The following DNAJC15 variants were observed in gnomAD, a reference collection of about 807,000 sequenced individuals.
The protein encoded by DNAJC15 is dnaJ homolog subfamily C member 15.
A neutral mutation model predicts 22.4 loss-of-function variants in DNAJC15; 27 were observed. The observed-to-expected ratio is 1.20, with a 90% CI of 0.89 to 1.66. The LOEUF (loss-of-function observed/expected upper bound fraction) is 1.66. Among genes scored for constraint, DNAJC15 ranks in the 40% most tolerant of loss-of-function variants. The pLI is 0.00. For synonymous variants in DNAJC15, 79 were observed against 63.2 expected, an observed-to-expected ratio of 1.25 and a Z score of -1.19; for missense variants, 208 against 187.1, an observed-to-expected ratio of 1.11 and a Z score of -0.65.
intron 2 of DNAJC15, among the ~76,000 whole-genome samples, chr13:43,067,787 G>A (rs1212275573): frequency 6.6e-6 from 1 of 152,106 alleles, no homozygotes; most frequent in African/African-American, 2.4e-5. Context: ...TTAGAAGTCA[G>A]TCACTGTGGT....
chr13:43,094,172 GTCTA>G (rs1164577021), intron 5 of DNAJC15, among the ~76,000 whole-genome samples: 1 of 152,114 alleles, frequency 6.6e-6, no homozygotes, highest in Admixed American at 6.5e-5. Context: ...AAATCTATTG[GTCTA>G]TCTTTTACTT....
intron 5 of DNAJC15, among the ~76,000 whole-genome samples, chr13:43,100,683 T>C (rs894986570): frequency 3.9e-5 from 6 of 152,230 alleles, no homozygotes; most frequent in African/African-American, 1.2e-4. Flanking sequence ...TTTTGTGGCC[T>C]ATTATATGCT....
chr13:43,024,434 C>T (rs1000884579), intron 1 of DNAJC15, among the ~76,000 whole-genome samples: 6 of 149,126 alleles, frequency 4.0e-5, no homozygotes, highest in African/African-American at 1.5e-4. Flanking sequence ...AGCTCCGCCT[C>T]CCGGTTTCAG....
At chr13:43,081,503 A>T (rs2040661318) in intron 4 of DNAJC15, among the ~76,000 whole-genome samples, 1 of 151,646 alleles carries the variant, frequency 6.6e-6, no homozygotes, top group African/African-American at 2.4e-5. Flanking sequence ...CAGTGGCACG[A>T]TCTCCCCTCA....
At chr13:43,039,863 A>G (rs1302885201) in intron 1 of DNAJC15, among the ~76,000 whole-genome samples, 1 of 152,124 alleles carries the variant, frequency 6.6e-6, no homozygotes, top group Non-Finnish European at 1.5e-5. Context: ...TACTAAAAAT[A>G]CAAAAGTTAG....
At chr13:43,105,570 T>C (rs2040792595) in intron 5 of DNAJC15, among the ~76,000 whole-genome samples, 1 of 152,218 alleles carries the variant, frequency 6.6e-6, no homozygotes, top group Non-Finnish European at 1.5e-5. Flanking sequence ...TTTTTTCCTC[T>C]AACATTGCTA....
At chr13:43,040,131 T>C (rs2040446564) in intron 1 of DNAJC15, among the ~76,000 whole-genome samples, 1 of 152,208 alleles carries the variant, frequency 6.6e-6, no homozygotes, top group Non-Finnish European at 1.5e-5. Context: ...TTGAGCTGCC[T>C]AGAAGACTGA....
intron 5 of DNAJC15, among the ~76,000 whole-genome samples, chr13:43,103,954 C>T (rs185910927): frequency 5.9e-5 from 9 of 152,142 alleles, no homozygotes; most frequent in Admixed American, 2.0e-4. Context: ...ACAATGTCAG[C>T]GTTATTTTTG....
chr13:43,055,207 T>C (rs1380987683), intron 1 of DNAJC15, among the ~76,000 whole-genome samples: 1 of 151,640 alleles, frequency 6.6e-6, no homozygotes, highest in Non-Finnish European at 1.5e-5. Context: ...AGACTAAGTC[T>C]GCCCATGTGA....
chr13:43,052,068 G>A (rs1043740049), intron 1 of DNAJC15, among the ~76,000 whole-genome samples: 5 of 151,986 alleles, frequency 3.3e-5, no homozygotes, highest in Admixed American at 2.0e-4. Flanking sequence ...TGGTTCAAGC[G>A]ATTCTCCTGC....
chr13:43,034,045 GAA>G (rs1409144566), intron 1 of DNAJC15, among the ~76,000 whole-genome samples: 2 of 124,648 alleles, frequency 1.6e-5, no homozygotes, highest in African/African-American at 3.2e-5. Context: ...AAAAAAAAAA[GAA>G]AATGACTTGC....
At chr13:43,031,653 T>C (rs2040404404) in intron 1 of DNAJC15, among the ~76,000 whole-genome samples, 1 of 152,228 alleles carries the variant, frequency 6.6e-6, no homozygotes, top group African/African-American at 2.4e-5. Context: ...ATAATAATCC[T>C]AGCAGGTATA....
At chr13:43,064,087 A>G (rs74060706) in intron 1 of DNAJC15, among the ~76,000 whole-genome samples, 2,608 of 152,320 alleles carry the variant, frequency 0.017, 91 homozygotes, top group East Asian at 0.11. Flanking sequence ...CTCCTCTGCC[A>G]GGGAATGAAT....
chr13:43,106,484 C>G (rs2040797331), intron 5 of DNAJC15, among the ~76,000 whole-genome samples: 1 of 152,000 alleles, frequency 6.6e-6, no homozygotes, highest in Admixed American at 6.5e-5. Flanking sequence ...TTGCAAAGAA[C>G]TCTAAAAAAG....
At chr13:43,029,579 T>C (rs1593307508) in intron 1 of DNAJC15, among the ~76,000 whole-genome samples, 1 of 152,230 alleles carries the variant, frequency 6.6e-6, no homozygotes, top group East Asian at 1.9e-4. Flanking sequence ...AGTGATCTTT[T>C]TTCCCAGTTT....
At chr13:43,040,938 C>T (rs1029193761) in intron 1 of DNAJC15, among the ~76,000 whole-genome samples, 1 of 152,200 alleles carries the variant, frequency 6.6e-6, no homozygotes, top group Non-Finnish European at 1.5e-5. Flanking sequence ...GGCAGTTTTC[C>T]CCATCTCAGT....
chr13:43,112,914 C>T lies in DNAJC15; in HGVS notation c.*5666C>T, dbSNP rs892305884. The T allele has an allele frequency of 6.6e-6, 1 of 152,138 alleles. No homozygotes were observed. The highest frequency in any genetic ancestry group is 2.4e-5 in the African/African-American group (1 of 41,426). The allele number at this position is 152,138 out of a possible 1,614,324, so 9.4% of individuals were successfully genotyped here. A position where few individuals can be genotyped will look rare whatever the true frequency, so the allele number is the denominator to read the frequency against. On this transcript the variant is annotated 3_prime_UTR_variant, in exon 6 of 6. Transcript: ENST00000379221. ...GATTATAAATGTGAAATTAGGTTTA[C>T]GAAAGGATCCAGTGTCATTGTGCAT... is the stretch of plus-strand genomic sequence containing the variant.
chr13:43,026,387 C>A (rs2040380863), intron 1 of DNAJC15, among the ~76,000 whole-genome samples: 1 of 152,150 alleles, frequency 6.6e-6, no homozygotes, highest in South Asian at 2.1e-4. Flanking sequence ...GATCAATGGT[C>A]CCCCATCCAC....
intron 1 of DNAJC15, among the ~76,000 whole-genome samples, chr13:43,039,326 T>A (rs1455534723): frequency 6.6e-6 from 1 of 152,244 alleles, no homozygotes; most frequent in Non-Finnish European, 1.5e-5. Context: ...AACAAAACAT[T>A]CGTGGAAACT....
Sources: allele counts gnomAD v4.1 joint callset (sites outside exome capture counted in the v4.1 genomes callset), GRCh38; gene constraint gnomAD v4.1.1; transcripts MANE v1.5; gene names NCBI Gene and HGNC (gene_info 2026-07-23, HGNC 2026-07-21).